Variants in GPM6A observed in about 807,000 individuals in gnomAD.
GPM6A encodes neuronal membrane glycoprotein M6-a.
In GPM6A, 7 loss-of-function variants were observed where a neutral mutation model predicts 32.1. The ratio of observed to expected loss-of-function variants is 0.22; its 90% CI spans 0.12 to 0.41. The LOEUF (loss-of-function observed/expected upper bound fraction) is 0.41. Ranked by LOEUF, GPM6A falls within the 10% of genes least tolerant of loss-of-function variation. GPM6A has a pLI of 1.00. For synonymous variants in GPM6A, 130 were observed against 123.4 expected (o/e 1.05, Z -0.35); for missense variants, 235 against 347.2 (o/e 0.68, Z 2.57).
intron 1 of GPM6A, among the ~76,000 whole-genome samples, chr4:175,789,788 T>G (rs1733940677): frequency 1.3e-5 from 2 of 152,352 alleles, no homozygotes; most frequent in Non-Finnish European, 2.9e-5. Flanking sequence ...TCCTGCTCCC[T>G]AAATTTGGCT....
intron 1 of GPM6A, among the ~76,000 whole-genome samples, chr4:175,846,805 A>T (rs1736100601): frequency 6.6e-6 from 1 of 152,124 alleles, no homozygotes; most frequent in South Asian, 2.1e-4. Flanking sequence ...GTACTTTAAT[A>T]AAAATATACA....
intron 1 of GPM6A, among the ~76,000 whole-genome samples, chr4:175,838,090 AACAC>A (rs763166079): frequency 1.2e-4 from 14 of 114,932 alleles, no homozygotes; most frequent in South Asian, 3.3e-4. Context: ...CCTTGGTTAA[AACAC>A]ACACACACAC....
upstream of GPM6A, among the ~76,000 whole-genome samples, chr4:175,813,559 C>G (rs1396573943): frequency 5.3e-5 from 8 of 151,818 alleles, no homozygotes; most frequent in Non-Finnish European, 1.0e-4. Context: ...AAGACACACA[C>G]AAGCACACAC....
chr4:175,701,455 C>T, intron 2 of GPM6A, 120 bp downstream of exon 2: 1 of 723,160 alleles, frequency 1.4e-6, no homozygotes. Flanking sequence ...ATCAGGTATA[C>T]CCTAAAAGTG....
At chr4:175,936,716 C>G (rs1044990045) in intron 1 of GPM6A, among the ~76,000 whole-genome samples, 2 of 151,802 alleles carry the variant, frequency 1.3e-5, no homozygotes. Context: ...CCCATAAAAA[C>G]GTAAAGCATC....
At chr4:175,985,091 T>C (rs992700305) in intron 1 of GPM6A, among the ~76,000 whole-genome samples, 1 of 152,228 alleles carries the variant, frequency 6.6e-6, no homozygotes, top group South Asian at 2.1e-4. Context: ...AACATCTCTT[T>C]TCCTTACAGA....
At chr4:175,984,023 T>A (rs916980948) in intron 1 of GPM6A, among the ~76,000 whole-genome samples, 1 of 150,196 alleles carries the variant, frequency 6.7e-6, no homozygotes, top group East Asian at 1.9e-4. Context: ...TCTCTCTCTG[T>A]CACACACACA....
At chr4:175,739,176 G>A (rs890095114) in intron 1 of GPM6A, among the ~76,000 whole-genome samples, 2 of 152,066 alleles carry the variant, frequency 1.3e-5, no homozygotes, top group African/African-American at 4.8e-5. Context: ...TTCTCATTAA[G>A]TTCTTTGCCT....
In GPM6A at chr4:175,634,659, G is replaced by A. The variant is rs1026203262; in HGVS notation, c.*246C>T. ...CTTTGATTTTACAGAACTAGTAAATGAGTTTGAGAAATTTCAAAAAAAAGG... is the reference window on the plus strand; with the variant it reads ...CTTTGATTTTACAGAACTAGTAAATAAGTTTGAGAAATTTCAAAAAAAAGG... On this transcript the variant is annotated 3_prime_UTR_variant, in exon 7 of 7. Transcript: ENST00000393658. 2.7e-5 allele frequency: 11 copies of A among 411,388 alleles called. No homozygotes were observed. Among genetic ancestry groups the A allele is most frequent in the African/African-American group, 2.0e-4 (10 of 48,988 alleles). 25.5% of individuals were successfully genotyped at this position (411,388 alleles called of 1,614,324 possible). A position where few individuals can be genotyped will look rare whatever the true frequency, so the allele number is the denominator to read the frequency against.
In GPM6A at chr4:175,943,224, T is replaced by C. The variant is rs566626725; in HGVS notation, c.-23+59085A>G. Among the ~76,000 whole-genome samples the C allele has an allele frequency of 3.3e-5, 5 of 152,344 alleles. 1 individual carries two copies. In the South Asian group the frequency reaches 6.2e-4, roughly 19 times the overall value. On this transcript the variant is annotated intron_variant, in intron 1 of 7. Transcript: ENST00000280187. ...TATGAATGCTTGTGATTTTTGTACATTGATTTTGTATCCTGAGACTTTGCT... is the reference window on the plus strand; with the variant it reads ...TATGAATGCTTGTGATTTTTGTACACTGATTTTGTATCCTGAGACTTTGCT...
chr4:175,881,702 G>C (rs1050714969), intron 1 of GPM6A, among the ~76,000 whole-genome samples: 1 of 152,152 alleles, frequency 6.6e-6, no homozygotes. Flanking sequence ...TAGGGACATG[G>C]ATGAAGCTGG....
At chr4:175,707,117 C>T (rs1745238714) in intron 1 of GPM6A, among the ~76,000 whole-genome samples, 1 of 152,182 alleles carries the variant, frequency 6.6e-6, no homozygotes, top group Admixed American at 6.5e-5. Flanking sequence ...CAAGAAGTAA[C>T]AGTAAGAATC....
intron 1 of GPM6A, among the ~76,000 whole-genome samples, chr4:175,857,476 T>C (rs547547418): frequency 3.3e-5 from 5 of 151,866 alleles, no homozygotes; most frequent in Non-Finnish European, 7.4e-5. Flanking sequence ...AGAAAAGATA[T>C]AAAATGCAAG....
intron 1 of GPM6A, among the ~76,000 whole-genome samples, chr4:175,969,377 C>T (rs1267364118): frequency 2.0e-5 from 3 of 152,030 alleles, no homozygotes; most frequent in Non-Finnish European, 2.9e-5. Context: ...ATGTGCAACA[C>T]GATTGATTGA....
intron 1 of GPM6A, among the ~76,000 whole-genome samples, chr4:175,737,023 C>T (rs1389732989): frequency 6.6e-6 from 1 of 152,152 alleles, no homozygotes; most frequent in African/African-American, 2.4e-5. Context: ...TAATAAATGA[C>T]TATGTTACTG....
chr4:175,745,773 A>G (rs1029514461), intron 1 of GPM6A, among the ~76,000 whole-genome samples: 1 of 152,196 alleles, frequency 6.6e-6, no homozygotes, highest in Non-Finnish European at 1.5e-5. Context: ...TGATATTACC[A>G]AGGTGTACGT....
chr4:175,822,866 C>T (rs546780213), intron 1 of GPM6A, among the ~76,000 whole-genome samples: 8 of 152,088 alleles, frequency 5.3e-5, no homozygotes, highest in Non-Finnish European at 1.2e-4. Flanking sequence ...TGTGATGTTC[C>T]CCTCCCTGTG....
chr4:175,749,771 A>T (rs912702548), intron 1 of GPM6A, among the ~76,000 whole-genome samples: 8 of 152,174 alleles, frequency 5.3e-5, no homozygotes, highest in African/African-American at 1.9e-4. Flanking sequence ...TGTCATGATA[A>T]TCAGGGTGTG....
At chr4:175,884,101 C>T (rs944564769) in intron 1 of GPM6A, among the ~76,000 whole-genome samples, 3 of 152,038 alleles carry the variant, frequency 2.0e-5, no homozygotes, top group Non-Finnish European at 2.9e-5. Flanking sequence ...CGTGACTTTG[C>T]TGATAAAACA....
Sources: allele counts gnomAD v4.1 joint callset (sites outside exome capture counted in the v4.1 genomes callset), GRCh38; gene constraint gnomAD v4.1.1; transcripts MANE v1.5; gene names NCBI Gene and HGNC (gene_info 2026-07-23, HGNC 2026-07-21).